Variants in ZHX2 observed in about 807,000 individuals in gnomAD.
ZHX2 encodes the protein zinc fingers and homeoboxes protein 2.
In ZHX2, 6 loss-of-function variants were observed where a neutral mutation model predicts 21.9. The observed-to-expected ratio is 0.27, with a 90% CI of 0.15 to 0.54. ZHX2 has a LOEUF of 0.54. Among genes scored for constraint, ZHX2 ranks in the 20% least tolerant of loss-of-function variants. ZHX2 has a pLI of 0.95. For synonymous variants in ZHX2, 434 were observed against 437.1 expected (o/e 0.99, Z 0.09); for missense variants, 908 against 1,090.7 (o/e 0.83, Z 2.36).
chr8:122,953,728 G>A lies in ZHX2; in HGVS notation c.2218G>A (p.Glu740Lys). The change falls in exon 3 of 4, where the codon GAG becomes AAG. Residue 740 changes from glutamate (E) to lysine (K), a missense_variant. Physicochemically the swap from Glu to Lys is moderately conservative, Grantham distance 56. This residue lies in a region of ZHX2 where 431 missense variants were observed against 428.6 expected (regional missense o/e 1.01). Transcript: ENST00000314393. This position sits in a 1 kb window ranked among gnomAD's most constrained non-coding sequence, Gnocchi z 4.6. The part of the protein sequence containing the change: ...YYKDPKKLCE[E>K]DLEKLVTRVK... ...CAAGGACCCCAAAAAGCTCTGCGAA[G>A]AGGACTTGGAGAAGTTGGTGACCAG... 1 of 1,614,276 alleles carries A rather than the reference G, an allele frequency of 6.2e-7. No individual in the cohort carries two copies. Among genetic ancestry groups the A allele is most frequent in the South Asian group, 1.1e-5 (1 of 91,090 alleles).
chr8:122,867,579 AACTTTGTACTAGCTGGGAATAAGCTG>A (rs1256503773), intron 2 of ZHX2, among the ~76,000 whole-genome samples: 1 of 152,226 alleles, frequency 6.6e-6, no homozygotes, highest in African/African-American at 2.4e-5. Flanking sequence ...GAATTAGAGA[AACTTTGTACTAGCTGGGAATAAGCTG>A]TTTTTCCAGA....
intron 1 of ZHX2, among the ~76,000 whole-genome samples, chr8:122,835,541 A>G (rs766955384): frequency 2.8e-4 from 42 of 152,306 alleles, no homozygotes; most frequent in Non-Finnish European, 5.0e-4. Flanking sequence ...TACTGAGAAG[A>G]TGGCGACTGG....
intron 2 of ZHX2, among the ~76,000 whole-genome samples, chr8:122,911,782 G>T (rs539914577): frequency 6.6e-6 from 1 of 152,226 alleles, no homozygotes; most frequent in African/African-American, 2.4e-5. Context: ...CTATGTGGTG[G>T]GACTTACCCT....
At chr8:122,941,663 CAAA>C (rs67837735) in intron 2 of ZHX2, among the ~76,000 whole-genome samples, 24 of 133,048 alleles carry the variant, frequency 1.8e-4, no homozygotes, top group African/African-American at 2.9e-4. Context: ...TTAGTTGCAG[CAAA>C]AAAAAAAAAA....
chr8:122,942,145 C>T (rs1812861487), intron 2 of ZHX2, among the ~76,000 whole-genome samples: 1 of 151,858 alleles, frequency 6.6e-6, no homozygotes, highest in Admixed American at 6.6e-5. Context: ...TGCTTTGCAG[C>T]ATCTAATTCC....
At chr8:122,949,193 G>A (rs549377085) in intron 2 of ZHX2, among the ~76,000 whole-genome samples, 33 of 152,224 alleles carry the variant, frequency 2.2e-4, no homozygotes, top group African/African-American at 6.3e-4. Context: ...GCGTGGTGGC[G>A]CATGCCTGTA....
chr8:122,896,301 C>T (rs1474716962), intron 2 of ZHX2, among the ~76,000 whole-genome samples: 2 of 151,772 alleles, frequency 1.3e-5, no homozygotes, highest in Non-Finnish European at 2.9e-5. Flanking sequence ...TTACTCCCTG[C>T]CCTCTTCTCC....
intron 2 of ZHX2, among the ~76,000 whole-genome samples, chr8:122,872,926 G>A (rs911091225): frequency 6.6e-5 from 10 of 152,036 alleles, no homozygotes; most frequent in African/African-American, 1.7e-4. Context: ...AGCAACCCCC[G>A]TAGAAAGAAG....
chr8:122,872,199 C>T (rs1819459032), intron 2 of ZHX2, among the ~76,000 whole-genome samples: 4 of 152,182 alleles, frequency 2.6e-5, no homozygotes, highest in South Asian at 4.1e-4. Flanking sequence ...CACTCAGGGA[C>T]AGCTCAGAGA....
intron 2 of ZHX2, among the ~76,000 whole-genome samples, chr8:122,928,129 G>A (rs550730580): frequency 4.6e-5 from 7 of 152,062 alleles, no homozygotes; most frequent in Non-Finnish European, 8.8e-5. Flanking sequence ...ACAGCCCTAA[G>A]CCAGGCTCCA....
rs139488254 is a variant in ZHX2, at chr8:122,917,242, G to A, written c.-219-34050G>A. Among the ~76,000 whole-genome samples, 775 of 152,182 alleles carry A rather than the reference G, an allele frequency of 5.1e-3. 1 individual carries two copies. The highest frequency in any genetic ancestry group is 0.027 in the Middle Eastern group (8 of 294). On this transcript the variant is annotated intron_variant, in intron 2 of 3. Transcript: ENST00000314393. The stretch of plus-strand genomic sequence containing the variant: ...AACTATTTCTGGGAGTCCTCAGGGA[G>A]CATTGCAGGTGTTCTTCACTCTAAA...
chr8:122,888,606 C>T (rs1431384237), intron 2 of ZHX2, among the ~76,000 whole-genome samples: 1 of 152,168 alleles, frequency 6.6e-6, no homozygotes, highest in African/African-American at 2.4e-5. Flanking sequence ...CCTCAGTCTC[C>T]TGAGTAGCTG....
chr8:122,943,004 G>A (rs1234942712), intron 2 of ZHX2, among the ~76,000 whole-genome samples: 1 of 152,160 alleles, frequency 6.6e-6, no homozygotes, highest in Middle Eastern at 3.2e-3. Flanking sequence ...GCTCATGCCT[G>A]TAATCCCAGC....
chr8:122,851,604 T>C (rs1176924283), intron 1 of ZHX2, among the ~76,000 whole-genome samples: 1 of 152,250 alleles, frequency 6.6e-6, no homozygotes, highest in Non-Finnish European at 1.5e-5. Flanking sequence ...TCCTCCAGGA[T>C]CCTCAGTACC....
At chr8:122,849,803 A>T (rs1818844509) in intron 1 of ZHX2, among the ~76,000 whole-genome samples, 2 of 152,192 alleles carry the variant, frequency 1.3e-5, no homozygotes, top group South Asian at 4.1e-4. Flanking sequence ...GCCACGATCA[A>T]CCCATTACAC....
intron 2 of ZHX2, among the ~76,000 whole-genome samples, chr8:122,941,416 G>A (rs970511695): frequency 6.6e-6 from 1 of 152,162 alleles, no homozygotes; most frequent in African/African-American, 2.4e-5. Context: ...TGCTTCTTAC[G>A]TCTCAACTTT....
chr8:122,865,857 C>T (rs918506069), intron 2 of ZHX2, among the ~76,000 whole-genome samples: 1 of 152,182 alleles, frequency 6.6e-6, no homozygotes, highest in Non-Finnish European at 1.5e-5. Context: ...GTCAGAAGCC[C>T]TGGCATAGCT....
intron 2 of ZHX2, among the ~76,000 whole-genome samples, chr8:122,933,804 T>C (rs1812609477): frequency 6.6e-6 from 1 of 152,200 alleles, no homozygotes; most frequent in Admixed American, 6.5e-5. Flanking sequence ...AGTCATGAGT[T>C]ACCTCAATCT....
Position 122,823,777 on chromosome 8 carries a change from C to T in ZHX2, c.-282-39700C>T, listed in dbSNP as rs541042878. 2.9e-4 allele frequency among the ~76,000 whole-genome samples: 44 copies of T among 152,306 alleles called. No homozygotes were observed. The South Asian group carries it at 8.9e-3, about 31-fold the overall frequency. ...CTGAGGGGTCTTCCCAGACCAGTTA[C>T]GGCTGCTGTTGACACCTTCTATCCA... On this transcript the variant is annotated intron_variant, in intron 1 of 3. Coordinates refer to ENST00000314393, the MANE Select transcript of ZHX2 (RefSeq NM_014943.5).
Sources: gnomAD v4.1 joint callset for allele counts (sites outside exome capture counted in the v4.1 genomes callset) on GRCh38, gnomAD v4.1.1 for gene constraint, gnomAD v4.1.1 regional missense constraint, Gnocchi (gnomAD v3.1) non-coding constraint, MANE v1.5 for transcripts, NCBI Gene and HGNC (gene_info 2026-07-23, HGNC 2026-07-21) for gene names.